Variants in KCNH1 observed in about 807,000 individuals in gnomAD.
The protein encoded by KCNH1 is voltage-gated delayed rectifier potassium channel KCNH1.
Under a neutral mutation model 69.2 loss-of-function variants are expected in KCNH1, and 27 were observed. That is an observed-to-expected ratio of 0.39 (90% CI 0.29 to 0.54). The LOEUF is 0.54. Ranked by LOEUF, KCNH1 falls within the 20% of genes least tolerant of loss-of-function variation. The pLI is 0.68. For missense variants in KCNH1, 798 were observed against 1,261.6 expected (o/e 0.63, Z 5.57); for synonymous variants, 456 against 487.7 (o/e 0.93, Z 0.86).
At chr1:210,881,072 C>A (rs1347857652) in intron 7 of KCNH1, among the ~76,000 whole-genome samples, 1 of 150,574 alleles carries the variant, frequency 6.6e-6, no homozygotes, top group Non-Finnish European at 1.5e-5. Flanking sequence ...GGCTGGAGTG[C>A]AGTGGCGCAA....
At chr1:210,928,187 A>G (rs574476696) in intron 6 of KCNH1, among the ~76,000 whole-genome samples, 1 of 152,258 alleles carries the variant, frequency 6.6e-6, no homozygotes, top group African/African-American at 2.4e-5. Context: ...ACAAACTTAA[A>G]CTATATGCTA....
intron 7 of KCNH1, among the ~76,000 whole-genome samples, chr1:210,835,711 T>C (rs968915121): frequency 2.0e-5 from 3 of 152,168 alleles, no homozygotes; most frequent in Non-Finnish European, 4.4e-5. Context: ...GAAATACTGA[T>C]GATCTTAATT....
rs541328445 is a variant in KCNH1, at chr1:210,770,649, C to T, written c.2112+4699G>A. On this transcript the variant is annotated intron_variant, in intron 10 of 10. Coordinates refer to ENST00000271751, the MANE Select transcript of KCNH1 (RefSeq NM_172362.3). ...GCTACTTGCTGTGTGCCTGTCACTACGAGGGGGAAATTTGTCACATCTCCC... is the reference window on the plus strand; with the variant it reads ...GCTACTTGCTGTGTGCCTGTCACTATGAGGGGGAAATTTGTCACATCTCCC... Among the ~76,000 whole-genome samples the T allele has an allele frequency of 2.6e-5, 4 of 152,360 alleles. No homozygotes were observed. In the South Asian group the frequency reaches 6.2e-4, roughly 24 times the overall value.
chr1:210,952,345 A>C (rs1411832403), intron 6 of KCNH1, among the ~76,000 whole-genome samples: 3 of 152,162 alleles, frequency 2.0e-5, no homozygotes, highest in African/African-American at 7.2e-5. Flanking sequence ...TTGATGATGT[A>C]ACTTCCTTCC....
chr1:210,974,137 T>G (rs548648390), intron 6 of KCNH1, among the ~76,000 whole-genome samples: 14 of 152,154 alleles, frequency 9.2e-5, no homozygotes, highest in Non-Finnish European at 1.8e-4. Flanking sequence ...ACTTTTTCAC[T>G]GTCACGATGT....
chr1:210,979,620 A>G (rs1688675082), intron 6 of KCNH1, among the ~76,000 whole-genome samples: 1 of 151,866 alleles, frequency 6.6e-6, no homozygotes, highest in Non-Finnish European at 1.5e-5. Flanking sequence ...GATATAATAA[A>G]CTCAATTATT....
chr1:211,050,540 C>T (rs1213131944), intron 5 of KCNH1, among the ~76,000 whole-genome samples: 9 of 152,142 alleles, frequency 5.9e-5, no homozygotes, highest in Non-Finnish European at 1.3e-4. Flanking sequence ...CAGGACCAAC[C>T]CACATGACAC....
chr1:211,098,149 C>CAAAA, intron 3 of KCNH1, among the ~76,000 whole-genome samples: 1 of 151,694 alleles, frequency 6.6e-6, no homozygotes, highest in Non-Finnish European at 1.5e-5. Context: ...GAAACCCCGA[C>CAAAA]TCTACAAAAA....
intron 10 of KCNH1, among the ~76,000 whole-genome samples, chr1:210,703,347 G>A (rs1344270350): frequency 1.3e-5 from 2 of 152,200 alleles, no homozygotes; most frequent in African/African-American, 4.8e-5. Context: ...CTCTTGAAAT[G>A]TATCAGATTG....
At chr1:211,034,187 T>C (rs1231434231) in intron 5 of KCNH1, among the ~76,000 whole-genome samples, 2 of 152,156 alleles carry the variant, frequency 1.3e-5, no homozygotes, top group Non-Finnish European at 2.9e-5. Flanking sequence ...ACAATCCAAA[T>C]ATCCTTCAAC....
intron 3 of KCNH1, among the ~76,000 whole-genome samples, chr1:211,101,479 T>A (rs1691256420): frequency 6.6e-6 from 1 of 152,228 alleles, no homozygotes; most frequent in Non-Finnish European, 1.5e-5. Context: ...TCATGGCTCA[T>A]GTTGTATGTA....
intron 1 of KCNH1, among the ~76,000 whole-genome samples, chr1:211,112,510 A>AC (rs1558609841): frequency 1.3e-5 from 2 of 150,000 alleles, no homozygotes; most frequent in East Asian, 2.0e-4. Flanking sequence ...ATAAAAAAAA[A>AC]AAAAAAAAAA....
At chr1:210,723,020 A>T (rs1449436397) in intron 10 of KCNH1, among the ~76,000 whole-genome samples, 1 of 152,206 alleles carries the variant, frequency 6.6e-6, no homozygotes, top group African/African-American at 2.4e-5. Context: ...ATTTATGGAA[A>T]TATAAACAGA....
chr1:210,760,908 T>C (rs1457623578), intron 10 of KCNH1, among the ~76,000 whole-genome samples: 1 of 152,118 alleles, frequency 6.6e-6, no homozygotes, highest in African/African-American at 2.4e-5. Flanking sequence ...ACGATGAGAT[T>C]TGGGTGAGAA....
intron 5 of KCNH1, among the ~76,000 whole-genome samples, chr1:211,031,325 C>A (rs1297127156): frequency 6.6e-6 from 1 of 152,166 alleles, no homozygotes; most frequent in Admixed American, 6.5e-5. Flanking sequence ...CAAGGAGGAG[C>A]TGGTACCATT....
rs1371577677 is a variant in KCNH1 at position 210,788,742 on chromosome 1, G to A, written c.1915+8766C>T. ...GACGGAGTCTCGCTCTGTCGCCCAGGCTGGAGTGCAGTGGCGGGATCTCGG... is the reference window on the plus strand; with the variant it reads ...GACGGAGTCTCGCTCTGTCGCCCAGACTGGAGTGCAGTGGCGGGATCTCGG... On this transcript the variant is annotated intron_variant, in intron 9 of 10. Coordinates refer to ENST00000271751, the MANE Select transcript of KCNH1 (RefSeq NM_172362.3). 6.3e-4 allele frequency among the ~76,000 whole-genome samples: 81 copies of A among 129,586 alleles called. 1 individual carries two copies. The highest frequency in any genetic ancestry group is 2.2e-3 in the African/African-American group (75 of 33,554). 85.0% of individuals were successfully genotyped at this position (129,586 alleles called of 152,430 possible). A position where few individuals can be genotyped will look rare whatever the true frequency, so the allele number is the denominator to read the frequency against.
At chr1:210,816,153 C>T (rs992637778) in intron 7 of KCNH1, among the ~76,000 whole-genome samples, 21 of 152,080 alleles carry the variant, frequency 1.4e-4, no homozygotes, top group Non-Finnish European at 2.8e-4. Context: ...AGAAGCTCCC[C>T]GAAACAGAGA....
chr1:210,716,770 T>C (rs536376199), intron 10 of KCNH1, among the ~76,000 whole-genome samples: 79 of 152,208 alleles, frequency 5.2e-4, no homozygotes, highest in Non-Finnish European at 9.1e-4. Context: ...TTGCTCTCTC[T>C]GTTCCAACTA....
chr1:210,722,050 G>A (rs527463623), intron 10 of KCNH1, among the ~76,000 whole-genome samples: 107 of 152,254 alleles, frequency 7.0e-4, no homozygotes, highest in Non-Finnish European at 1.4e-3. Context: ...TCCCCAGTGG[G>A]TTCCAGCCCC....
Sources: allele counts gnomAD v4.1 joint callset (sites outside exome capture counted in the v4.1 genomes callset), GRCh38; gene constraint gnomAD v4.1.1; transcripts MANE v1.5; gene names NCBI Gene and HGNC (gene_info 2026-07-23, HGNC 2026-07-21).